CNTN5: variants seen among roughly 807,000 people sequenced by gnomAD.
CNTN5 encodes the protein contactin 5, also known as contactin-5.
A neutral mutation model predicts 129.1 loss-of-function variants in CNTN5; 77 were observed. That is an observed-to-expected ratio of 0.60 (90% CI 0.50 to 0.72). CNTN5 has a LOEUF of 0.72. Among genes scored for constraint, CNTN5 ranks in the 30% least tolerant of loss-of-function variants. CNTN5 has a pLI of 0.00. For missense variants in CNTN5, 1,478 were observed against 1,328.8 expected, an observed-to-expected ratio of 1.11 and a Z score of -1.75; for synonymous variants, 509 against 465.6, an observed-to-expected ratio of 1.09 and a Z score of -1.20.
chr11:99,557,864 C>A (rs1478509614), intron 3 of CNTN5, among the ~76,000 whole-genome samples: 1 of 151,526 alleles, frequency 6.6e-6, no homozygotes, highest in Non-Finnish European at 1.5e-5. Context: ...CTGCAGCATA[C>A]CTGCACTCAT....
At chr11:99,366,137 T>A (rs1939431217) in intron 2 of CNTN5, among the ~76,000 whole-genome samples, 1 of 152,172 alleles carries the variant, frequency 6.6e-6, no homozygotes. Flanking sequence ...CCGAAAGCCT[T>A]AATATTGTTG....
intron 2 of CNTN5, among the ~76,000 whole-genome samples, chr11:99,377,671 T>C (rs940326189): frequency 4.6e-5 from 7 of 152,136 alleles, no homozygotes; most frequent in African/African-American, 1.2e-4. Flanking sequence ...ATGAGACTAC[T>C]TGGCAGTAAT....
At chr11:100,222,626 G>T (rs1949288586) in intron 15 of CNTN5, among the ~76,000 whole-genome samples, 2 of 151,438 alleles carry the variant, frequency 1.3e-5, no homozygotes, top group South Asian at 2.1e-4. Flanking sequence ...CACCAGTATG[G>T]TTTGTGATAT....
At chr11:99,747,580 C>G (rs1944095890) in intron 3 of CNTN5, among the ~76,000 whole-genome samples, 1 of 150,236 alleles carries the variant, frequency 6.7e-6, no homozygotes, top group Non-Finnish European at 1.5e-5. Context: ...ATTCTCCTGA[C>G]TCAGCCTCCC....
chr11:99,620,519 TTTTC>T (rs370966375), intron 3 of CNTN5, among the ~76,000 whole-genome samples: 28,241 of 144,830 alleles, frequency 0.19, 2,518 homozygotes, highest in Middle Eastern at 0.28. Context: ...TTTTTTTTTT[TTTTC>T]TTTTTGCTCT....
In CNTN5 at chr11:99,735,542, C is replaced by G. The variant is rs1248123398; in HGVS notation, c.56-84002C>G. On this transcript the variant is annotated intron_variant, in intron 3 of 24. Coordinates refer to ENST00000524871, the MANE Select transcript of CNTN5 (RefSeq NM_014361.4). ...TCAGGAGATCAAAATTGTTTGATAC[C>G]TACTATGTGTTAGAATTGATACTGA... Among the ~76,000 whole-genome samples the G allele has an allele frequency of 2.0e-5, 3 of 151,800 alleles. No homozygotes were observed. In the East Asian group the frequency reaches 5.8e-4, roughly 29 times the overall value.
intron 8 of CNTN5, among the ~76,000 whole-genome samples, chr11:99,995,154 A>G (rs530452938): frequency 2.0e-5 from 3 of 152,308 alleles, no homozygotes; most frequent in African/African-American, 7.2e-5. Context: ...AGGACATTAT[A>G]TTGGTGATAA....
intron 2 of CNTN5, among the ~76,000 whole-genome samples, chr11:99,549,090 TC>T (rs200704455): frequency 0.03 from 2,600 of 87,866 alleles, 85 homozygotes; most frequent in African/African-American, 0.09. Flanking sequence ...TGGTGTCAAT[TC>T]CTTTTTTTTT....
intron 13 of CNTN5, among the ~76,000 whole-genome samples, chr11:100,141,654 T>C (rs1946700271): frequency 6.6e-6 from 1 of 152,130 alleles, no homozygotes; most frequent in Non-Finnish European, 1.5e-5. Context: ...TGGTACAGAG[T>C]ATCCTCTAAG....
intron 1 of CNTN5, among the ~76,000 whole-genome samples, chr11:99,146,656 G>A (rs1859799659): frequency 6.6e-6 from 1 of 152,092 alleles, no homozygotes; most frequent in African/African-American, 2.4e-5. Flanking sequence ...ATTATTTTCT[G>A]TATTGCTTAA....
intron 2 of CNTN5, among the ~76,000 whole-genome samples, chr11:99,329,047 A>T (rs1865900869): frequency 6.6e-6 from 1 of 152,022 alleles, no homozygotes; most frequent in Non-Finnish European, 1.5e-5. Flanking sequence ...TGGTGGTGGG[A>T]CGGGGTGGTT....
At chr11:99,371,967 G>A (rs763470011) in intron 2 of CNTN5, among the ~76,000 whole-genome samples, 1 of 152,180 alleles carries the variant, frequency 6.6e-6, no homozygotes, top group Non-Finnish European at 1.5e-5. Context: ...AGTACAAAAT[G>A]CTGTAAGTGA....
At chr11:99,369,889 A>C (rs1304921991) in intron 2 of CNTN5, among the ~76,000 whole-genome samples, 2 of 152,168 alleles carry the variant, frequency 1.3e-5, no homozygotes, top group Non-Finnish European at 2.9e-5. Context: ...TAATTTAAAA[A>C]AAAATTACAC....
At chr11:100,287,355 G>A (rs1950821379) in intron 18 of CNTN5, among the ~76,000 whole-genome samples, 1 of 150,890 alleles carries the variant, frequency 6.6e-6, no homozygotes, top group East Asian at 2.0e-4. Context: ...GGCAGCCAGA[G>A]AGAAAGGTCG....
intron 2 of CNTN5, among the ~76,000 whole-genome samples, chr11:99,420,641 G>A (rs1942846850): frequency 6.6e-6 from 1 of 152,086 alleles, no homozygotes; most frequent in Admixed American, 6.5e-5. Flanking sequence ...TTGTGGAAAG[G>A]ATTAAATAAG....
At chr11:99,922,597 TG>T in intron 7 of CNTN5, among the ~76,000 whole-genome samples, 1 of 152,342 alleles carries the variant, frequency 6.6e-6, no homozygotes, top group African/African-American at 2.4e-5. Context: ...AACTGATGCT[TG>T]ATTGCATTTT....
chr11:99,416,639 A>G (rs754070208), intron 2 of CNTN5, among the ~76,000 whole-genome samples: 105 of 152,096 alleles, frequency 6.9e-4, no homozygotes, highest in Non-Finnish European at 1.3e-3. Context: ...ATGGGTGGTA[A>G]AGGAATTTAC....
intron 1 of CNTN5, among the ~76,000 whole-genome samples, chr11:99,281,189 G>A (rs576971050): frequency 1.3e-3 from 200 of 152,060 alleles, no homozygotes; most frequent in African/African-American, 4.6e-3. Flanking sequence ...AGAAAGCAAA[G>A]AGAGGGGAAT....
intron 2 of CNTN5, among the ~76,000 whole-genome samples, chr11:99,356,219 G>A (rs1025003635): frequency 6.6e-6 from 1 of 151,590 alleles, no homozygotes; most frequent in African/African-American, 2.4e-5. Flanking sequence ...AGTGTGGCTT[G>A]TGGGGTTTCT....
Sources: allele counts gnomAD v4.1 joint callset (sites outside exome capture counted in the v4.1 genomes callset), GRCh38; gene constraint gnomAD v4.1.1; transcripts MANE v1.5; gene names NCBI Gene and HGNC (gene_info 2026-07-23, HGNC 2026-07-21).